USP14: variants seen among roughly 807,000 people sequenced by gnomAD.
The protein encoded by USP14 is ubiquitin specific peptidase 14.
USP14 carries 38 observed loss-of-function variants against 76.5 expected under a neutral mutation model. The observed-to-expected ratio is 0.50, with a 90% CI of 0.38 to 0.65. USP14 has a LOEUF of 0.65. Among genes scored for constraint, USP14 ranks in the 30% least tolerant of loss-of-function variants. USP14 has a pLI of 0.00. For missense variants in USP14, 467 were observed against 586.5 expected, an observed-to-expected ratio of 0.80 and a Z score of 2.10; for synonymous variants, 192 against 191.7, an observed-to-expected ratio of 1.00 and a Z score of -0.01.
chr18:170,285 C>T (rs1203438784), intron 3 of USP14, among the ~76,000 whole-genome samples: 1 of 152,138 alleles, frequency 6.6e-6, no homozygotes, highest in East Asian at 1.9e-4. Flanking sequence ...GCCTGGCCAA[C>T]AGAGCGAGAC....
chr18:190,036 T>C (rs1688642838), intron 5 of USP14, among the ~76,000 whole-genome samples: 1 of 152,174 alleles, frequency 6.6e-6, no homozygotes. Flanking sequence ...ATGTACAAAT[T>C]GGGCCCATTT....
At chr18:158,818 C>A in intron 1 of USP14, 104 bp downstream of exon 1, 1 of 1,262,668 alleles carries the variant, frequency 7.9e-7, no homozygotes, top group South Asian at 2.9e-5. Context: ...TGGGAGGGGC[C>A]GGGGTGGGGT....
chr18:179,148 C>A, intron 4 of USP14, 111 bp downstream of exon 4: 2 of 660,926 alleles, frequency 3.0e-6, no homozygotes, highest in South Asian at 2.3e-5. Flanking sequence ...TCATTAATAC[C>A]AAGATAGATA....
intron 10 of USP14, among the ~76,000 whole-genome samples, chr18:200,469 C>T (rs1159563766): frequency 1.3e-5 from 2 of 152,116 alleles, no homozygotes; most frequent in Admixed American, 6.6e-5. Flanking sequence ...GCAGTTGAGG[C>T]CCTGGAATTT....
intron 4 of USP14, among the ~76,000 whole-genome samples, chr18:179,632 G>A (rs569699174): frequency 2.1e-5 from 3 of 140,526 alleles, no homozygotes; most frequent in South Asian, 2.3e-4. Context: ...CTGTCACCCC[G>A]GCTGGAGTGC....
Position 211,233 on chromosome 18 carries a change from A to C in USP14, c.1434A>C (p.Leu478=). The C allele has an allele frequency of 6.2e-7, 1 of 1,613,868 alleles. No homozygotes were observed. The highest frequency in any genetic ancestry group is 1.1e-5 in the South Asian group (1 of 91,046). ...GAGACTGGCATATCGCTTACGTTCT[A>C]CTCTATGGGCCTCGCAGAGTTGAAA... The part of the protein sequence containing the change: ...GGGDWHIAYV[L]LYGPRRVEIM... Residue 478 remains leucine (L), a synonymous_variant, in exon 16 of 16, where the codon CTA becomes CTC. Coordinates refer to ENST00000261601, the MANE Select transcript of USP14 (RefSeq NM_005151.4).
At chr18:180,388 T>A (rs750645814) in intron 5 of USP14, 49 bp downstream of exon 5, 4 of 1,137,318 alleles carry the variant, frequency 3.5e-6, no homozygotes, top group Non-Finnish European at 5.1e-6. Flanking sequence ...TTTGGATGAG[T>A]AGTATTGTTT....
At chr18:162,129 G>A (rs1190627564) in intron 1 of USP14, among the ~76,000 whole-genome samples, 1 of 151,988 alleles carries the variant, frequency 6.6e-6, no homozygotes, top group Non-Finnish European at 1.5e-5. Context: ...CATTTTCTTT[G>A]TCCATTAATT....
intron 5 of USP14, among the ~76,000 whole-genome samples, chr18:187,561 G>T (rs891997291): frequency 1.2e-4 from 18 of 152,112 alleles, no homozygotes; most frequent in African/African-American, 4.1e-4. Context: ...AGGAATATAG[G>T]CTGTCTCCCC....
chr18:166,878 T>C, intron 3 of USP14, 59 bp downstream of exon 3: 1 of 1,501,282 alleles, frequency 6.7e-7, no homozygotes, highest in Non-Finnish European at 9.2e-7. Flanking sequence ...GATACCAAAA[T>C]ACATTCCAGA....
Position 211,286 on chromosome 18 carries a change from C to T in USP14, c.*2C>T. On this transcript the variant is annotated 3_prime_UTR_variant, in exon 16 of 16. Coordinates refer to ENST00000261601, the MANE Select transcript of USP14 (RefSeq NM_005151.4). ...ATGGAAGAGGAAAGTGAACAGTAAT[C>T]TTCATTTTAGTATTTATGCTTAGAT... 1 of 1,601,870 alleles carries T rather than the reference C, an allele frequency of 6.2e-7. No homozygotes were observed. The highest frequency in any genetic ancestry group is 8.5e-7 in the Non-Finnish European group (1 of 1,172,958).
At chr18:198,991 TAC>T (rs1910316077) in intron 9 of USP14, among the ~76,000 whole-genome samples, 2 of 152,224 alleles carry the variant, frequency 1.3e-5, no homozygotes, top group Non-Finnish European at 2.9e-5. Context: ...TATCTTTTAA[TAC>T]ACATTTATTA....
At position 210,450 on chromosome 18, in the gene USP14, T is replaced by C. The variant is rs1910640834; in HGVS notation, c.1290T>C (p.Ser430=). ...CAGTACTAACACACCAGGGAAGGTC[T>C]AGTTCTTCAGGTCATTATGTATCAT... The part of the protein sequence containing the change: ...LQAVLTHQGR[S]SSSGHYVSWV... Residue 430 remains serine, a synonymous_variant, in exon 15 of 16, where the codon TCT becomes TCC. Coordinates refer to ENST00000261601, the MANE Select transcript of USP14 (RefSeq NM_005151.4). 1.2e-6 allele frequency: 2 copies of C among 1,612,108 alleles called. No homozygotes were observed. The highest frequency in any genetic ancestry group is 1.3e-5 in the African/African-American group (1 of 74,888).
intron 6 of USP14, among the ~76,000 whole-genome samples, chr18:196,188 G>C (rs1436507315): frequency 6.6e-6 from 1 of 151,842 alleles, no homozygotes; most frequent in Non-Finnish European, 1.5e-5. Flanking sequence ...GCCAGGCATG[G>C]TGGCATGCTC....
At chr18:201,282 G>C (rs953063628) in intron 10 of USP14, among the ~76,000 whole-genome samples, 4 of 152,236 alleles carry the variant, frequency 2.6e-5, no homozygotes, top group Non-Finnish European at 4.4e-5. Context: ...ATAAAGAGAA[G>C]TCTTGAAGGA....
At chr18:169,215 A>AC (rs1280977908) in intron 3 of USP14, among the ~76,000 whole-genome samples, 1 of 151,816 alleles carries the variant, frequency 6.6e-6, no homozygotes, top group African/African-American at 2.4e-5. Flanking sequence ...ACATGGTGAA[A>AC]CCCCGTCTCT....
intron 5 of USP14, among the ~76,000 whole-genome samples, chr18:188,719 C>G (rs762722721): frequency 2.6e-5 from 4 of 151,740 alleles, no homozygotes; most frequent in Non-Finnish European, 5.9e-5. Context: ...GCTGTGTTGC[C>G]CAGGCTGGAG....
At position 192,870 on chromosome 18, in the gene USP14, G is replaced by A; in HGVS notation, c.433G>A (p.Glu145Lys). The change falls in exon 6 of 16, where the codon GAA becomes AAA. Residue 145 changes from glutamate to lysine, a missense_variant. Coordinates refer to ENST00000261601, the MANE Select transcript of USP14 (RefSeq NM_005151.4). The stretch of plus-strand genomic sequence containing the variant: ...TGCAGGTGCCTTGAGAGCTTCAGGG[G>A]AAATGGCTTCAGCGCAGTATATTAC... ...RYAGALRASG[E>K]MASAQYITAA... 8 of 1,613,874 alleles carry A rather than the reference G, an allele frequency of 5.0e-6. No individual in the cohort carries two copies. The highest frequency in any genetic ancestry group is 6.8e-6 in the Non-Finnish European group (8 of 1,179,884).
intron 13 of USP14, among the ~76,000 whole-genome samples, chr18:206,234 A>G (rs936813186): frequency 8.5e-5 from 13 of 152,154 alleles, no homozygotes; most frequent in African/African-American, 2.7e-4. Context: ...TGTTGTCACT[A>G]TTTTTCATTT....
Sources: allele counts gnomAD v4.1 joint callset (sites outside exome capture counted in the v4.1 genomes callset), GRCh38; gene constraint gnomAD v4.1.1; transcripts MANE v1.5; gene names NCBI Gene and HGNC (gene_info 2026-07-23, HGNC 2026-07-21).